ZBTB20: variants seen among roughly 807,000 people sequenced by gnomAD.
ZBTB20 encodes zinc finger and BTB domain-containing protein 20.
A neutral mutation model predicts 56.9 loss-of-function variants in ZBTB20; 9 were observed. The observed-to-expected ratio is 0.16, with a 90% CI of 0.10 to 0.28. The LOEUF is 0.28. Ranked by LOEUF, ZBTB20 falls within the 10% of genes least tolerant of loss-of-function variation. The pLI is 1.00. For missense variants in ZBTB20, 655 were observed against 1,003.0 expected (o/e 0.65, Z 4.69); for synonymous variants, 417 against 420.7 (o/e 0.99, Z 0.11).
chr3:115,037,281 G>C (rs754660258), intron 2 of ZBTB20, among the ~76,000 whole-genome samples: 3 of 151,896 alleles, frequency 2.0e-5, no homozygotes, highest in Admixed American at 1.3e-4. Context: ...GAAATTTTTG[G>C]GGGGGGCGGA....
intron 7 of ZBTB20, among the ~76,000 whole-genome samples, chr3:114,447,507 A>G (rs2091340247): frequency 6.6e-6 from 1 of 152,232 alleles, no homozygotes; most frequent in Non-Finnish European, 1.5e-5. Context: ...AAATTTAGAT[A>G]GGTAAACTCC....
chr3:115,017,662 T>C (rs542743678), intron 2 of ZBTB20, among the ~76,000 whole-genome samples: 1 of 151,688 alleles, frequency 6.6e-6, no homozygotes, highest in South Asian at 2.1e-4. Flanking sequence ...ATTTCTTTCA[T>C]ATTAAGGATT....
At chr3:114,371,218 T>A (rs1365049049) in intron 10 of ZBTB20, among the ~76,000 whole-genome samples, 2 of 152,218 alleles carry the variant, frequency 1.3e-5, no homozygotes, top group African/African-American at 4.8e-5. Context: ...GAGCCATGTC[T>A]AATAAACCTA....
chr3:115,016,572 T>G (rs1199826633), intron 2 of ZBTB20, among the ~76,000 whole-genome samples: 1 of 151,884 alleles, frequency 6.6e-6, no homozygotes, highest in East Asian at 1.9e-4. Flanking sequence ...GAGGGAATCC[T>G]TTCCCCATTG....
chr3:114,583,151 A>C (rs1363334969), intron 6 of ZBTB20, among the ~76,000 whole-genome samples: 1 of 152,230 alleles, frequency 6.6e-6, no homozygotes, highest in African/African-American at 2.4e-5. Flanking sequence ...CTGCATTTCA[A>C]GTCAACCATA....
intron 6 of ZBTB20, among the ~76,000 whole-genome samples, chr3:114,553,407 T>C (rs779307017): frequency 5.9e-5 from 9 of 152,198 alleles, no homozygotes; most frequent in Non-Finnish European, 1.0e-4. Flanking sequence ...CAAGCATTTC[T>C]TTGGTCCTTG....
chr3:115,004,963 T>C (rs2079403576), intron 2 of ZBTB20, among the ~76,000 whole-genome samples: 1 of 151,602 alleles, frequency 6.6e-6, no homozygotes, highest in African/African-American at 2.4e-5. Flanking sequence ...GCCATTTCTT[T>C]CCAAATGTTA....
intron 6 of ZBTB20, among the ~76,000 whole-genome samples, chr3:114,643,836 C>G (rs935292470): frequency 1.3e-5 from 2 of 152,010 alleles, no homozygotes; most frequent in African/African-American, 4.8e-5. Context: ...AGAATTCTAA[C>G]TCTTTAACTG....
chr3:114,320,416 A>T lies in ZBTB20; in HGVS notation c.*18589T>A, dbSNP rs2078852753. On this transcript the variant is annotated 3_prime_UTR_variant, in exon 12 of 12. Coordinates refer to ENST00000675478, the MANE Select transcript of ZBTB20 (RefSeq NM_001348800.3). ...TACAATAGAATCAGGCATTGCCAAG[A>T]ATAGCATGATGTGCAACCTCAATTA... 2 of 152,240 alleles carry T rather than the reference A, an allele frequency of 1.3e-5. No homozygotes were observed. The highest frequency in any genetic ancestry group is 4.8e-5 in the African/African-American group (2 of 41,476). 9.4% of individuals were successfully genotyped at this position (152,240 alleles called of 1,614,324 possible). A position where few individuals can be genotyped will look rare whatever the true frequency, so the allele number is the denominator to read the frequency against.
intron 2 of ZBTB20, among the ~76,000 whole-genome samples, chr3:115,048,883 T>A (rs1443523630): frequency 6.6e-6 from 1 of 152,278 alleles, no homozygotes; most frequent in East Asian, 1.9e-4. Flanking sequence ...AAAAAAGGAT[T>A]TATACCAATC....
At chr3:115,133,704 T>C (rs1312201701) in intron 1 of ZBTB20, among the ~76,000 whole-genome samples, 2 of 152,236 alleles carry the variant, frequency 1.3e-5, no homozygotes, top group African/African-American at 2.4e-5. Context: ...TATGTATCAG[T>C]ACTTCATTAT....
chr3:114,999,451 A>G (rs1327143209), intron 2 of ZBTB20, among the ~76,000 whole-genome samples: 1 of 151,720 alleles, frequency 6.6e-6, no homozygotes, highest in Non-Finnish European at 1.5e-5. Context: ...GTGCTATATA[A>G]AACTTAATGC....
chr3:114,321,874 C>T lies in ZBTB20; in HGVS notation c.*17131G>A, dbSNP rs1416183393. 6.6e-6 allele frequency: 1 copy of T among 152,240 alleles called. No individual in the cohort carries two copies. Among genetic ancestry groups the T allele is most frequent in the Non-Finnish European group, 1.5e-5 (1 of 68,070 alleles). 9.4% of individuals were successfully genotyped at this position (152,240 alleles called of 1,614,324 possible). A position where few individuals can be genotyped will look rare whatever the true frequency, so the allele number is the denominator to read the frequency against. On this transcript the variant is annotated 3_prime_UTR_variant, in exon 12 of 12. Coordinates refer to ENST00000675478, the MANE Select transcript of ZBTB20 (RefSeq NM_001348800.3). ...TGGATACTGTCCCTTCAAACCTCCT[C>T]AGAAGACTGGAGGCAATGGTACAGA...
chr3:114,628,315 G>A (rs1411039385), intron 6 of ZBTB20, among the ~76,000 whole-genome samples: 5 of 152,030 alleles, frequency 3.3e-5, no homozygotes, highest in African/African-American at 9.7e-5. Context: ...AAATTTGAAG[G>A]CGTTTAAGGA....
At chr3:114,538,571 T>C (rs1042590641) in intron 6 of ZBTB20, among the ~76,000 whole-genome samples, 2 of 152,142 alleles carry the variant, frequency 1.3e-5, no homozygotes, top group Non-Finnish European at 2.9e-5. Flanking sequence ...CCCTACTCTA[T>C]TTCACAGTAA....
chr3:114,403,472 C>T (rs1480860764), intron 7 of ZBTB20, among the ~76,000 whole-genome samples: 2 of 152,034 alleles, frequency 1.3e-5, no homozygotes, highest in African/African-American at 2.4e-5. Flanking sequence ...TGGGTAAATG[C>T]GTAAATCTGC....
At chr3:114,463,319 T>A (rs2092410065) in intron 7 of ZBTB20, among the ~76,000 whole-genome samples, 2 of 152,214 alleles carry the variant, frequency 1.3e-5, no homozygotes. Flanking sequence ...CTTGAATATT[T>A]TTAGACATCT....
intron 6 of ZBTB20, among the ~76,000 whole-genome samples, chr3:114,624,387 C>A (rs564030611): frequency 4.0e-4 from 61 of 151,094 alleles, no homozygotes; most frequent in African/African-American, 1.4e-3. Context: ...TCCCGTCCTG[C>A]CAGAGGAATG....
At chr3:114,683,987 TG>T (rs2062159046) in intron 6 of ZBTB20, among the ~76,000 whole-genome samples, 2 of 152,128 alleles carry the variant, frequency 1.3e-5, no homozygotes. Flanking sequence ...AAGTATGATC[TG>T]GGGAAGGTTA....
Sources: gnomAD v4.1 joint callset for allele counts (sites outside exome capture counted in the v4.1 genomes callset) on GRCh38, gnomAD v4.1.1 for gene constraint, MANE v1.5 for transcripts, NCBI Gene and HGNC (gene_info 2026-07-23, HGNC 2026-07-21) for gene names.